The following ELF1 variants were observed in gnomAD, a reference collection of about 807,000 sequenced individuals.
ELF1 encodes the protein ETS-related transcription factor Elf-1.
A neutral mutation model predicts 59.9 loss-of-function variants in ELF1; 24 were observed. The ratio of observed to expected loss-of-function variants is 0.40; its 90% CI spans 0.29 to 0.56. The LOEUF is 0.56. Ranked by LOEUF, ELF1 falls within the 20% of genes least tolerant of loss-of-function variation. ELF1 has a pLI of 0.44. For missense variants in ELF1, 627 were observed against 742.2 expected, an observed-to-expected ratio of 0.84 and a Z score of 1.80; for synonymous variants, 248 against 266.2, an observed-to-expected ratio of 0.93 and a Z score of 0.67.
At chr13:41,014,412 T>C (rs1875241895) in intron 1 of ELF1, among the ~76,000 whole-genome samples, 1 of 152,168 alleles carries the variant, frequency 6.6e-6, no homozygotes, top group Non-Finnish European at 1.5e-5. Context: ...CTCAGCTGCA[T>C]AATTTCTCCC....
At chr13:40,943,726 G>A (rs1304560245) in intron 6 of ELF1, 116 bp downstream of exon 6, 1 of 738,128 alleles carries the variant, frequency 1.4e-6, no homozygotes, top group East Asian at 3.1e-5. Flanking sequence ...TAAGCATGTG[G>A]CAGCAATAAG....
intron 2 of ELF1, among the ~76,000 whole-genome samples, chr13:40,975,858 GA>G (rs1021957490): frequency 6.0e-5 from 9 of 151,244 alleles, no homozygotes; most frequent in Admixed American, 4.6e-4. Context: ...ATTTTAAAAA[GA>G]AAAAAAATCT....
At position 41,026,571 on chromosome 13, in the gene ELF1, G is replaced by A. The variant is rs769097089; in HGVS notation, c.-229+34267C>T. ...TATAGGTAAATCACAGCACAGGCCT[G>A]TAGGATTTTGGAGCAAGACCTTGCC... is the stretch of plus-strand genomic sequence containing the variant. On this transcript the variant is annotated intron_variant, in intron 1 of 1. Coordinates refer to the ELF1 transcript ENST00000405737. 1.5e-3 allele frequency among the ~76,000 whole-genome samples: 236 copies of A among 152,304 alleles called. 2 individuals are homozygous for A. The Middle Eastern group carries it at 0.031, about 20-fold the overall frequency.
intron 1 of ELF1, among the ~76,000 whole-genome samples, chr13:41,058,710 T>A (rs1167322277): frequency 6.6e-6 from 1 of 152,232 alleles, no homozygotes; most frequent in Non-Finnish European, 1.5e-5. Context: ...TGGTGGCTCA[T>A]GCCTGTAATC....
At chr13:41,022,675 G>C (rs1304984417), upstream of ELF1, among the ~76,000 whole-genome samples, 1 of 152,228 alleles carries the variant, frequency 6.6e-6, no homozygotes, top group Non-Finnish European at 1.5e-5. Context: ...AAGTTCAGGA[G>C]TTCGAGACCA....
intron 4 of ELF1, among the ~76,000 whole-genome samples, chr13:40,950,610 C>CGTAT (rs1779739759): frequency 6.6e-6 from 1 of 152,178 alleles, no homozygotes; most frequent in African/African-American, 2.4e-5. Flanking sequence ...GGTCAGAATA[C>CGTAT]TCCTTCAATG....
intron 2 of ELF1, among the ~76,000 whole-genome samples, chr13:40,973,817 A>G (rs548569464): frequency 6.6e-6 from 1 of 152,326 alleles, no homozygotes; most frequent in Non-Finnish European, 1.5e-5. Context: ...CATATGATAC[A>G]ATATTATTCA....
chr13:41,033,935 G>T (rs1876271691), intron 1 of ELF1, among the ~76,000 whole-genome samples: 1 of 152,184 alleles, frequency 6.6e-6, no homozygotes, highest in South Asian at 2.1e-4. Flanking sequence ...AGAGCATGAG[G>T]ATTTGGGGAA....
At chr13:41,029,864 G>T (rs1048821979) in intron 1 of ELF1, among the ~76,000 whole-genome samples, 1 of 152,116 alleles carries the variant, frequency 6.6e-6, no homozygotes, top group Non-Finnish European at 1.5e-5. Context: ...CAGGAAAGAT[G>T]ACAAATGGCA....
At chr13:40,996,801 G>A (rs917395878) in intron 1 of ELF1, among the ~76,000 whole-genome samples, 4 of 150,396 alleles carry the variant, frequency 2.7e-5, no homozygotes, top group African/African-American at 9.8e-5. Context: ...TTAAACTATA[G>A]CTCCAACACA....
intron 2 of ELF1, among the ~76,000 whole-genome samples, chr13:40,968,711 T>C (rs1054060524): frequency 3.3e-5 from 5 of 151,842 alleles, no homozygotes; most frequent in Non-Finnish European, 5.9e-5. Flanking sequence ...CTGTAAACAC[T>C]TTCTATATTC....
intron 1 of ELF1, among the ~76,000 whole-genome samples, chr13:41,044,370 G>A (rs951531727): frequency 6.6e-6 from 1 of 152,302 alleles, no homozygotes; most frequent in East Asian, 1.9e-4. Context: ...TCCCTGTCTT[G>A]TGCCAGTTTT....
At chr13:41,057,102 C>T (rs1877312490) in intron 1 of ELF1, among the ~76,000 whole-genome samples, 1 of 150,020 alleles carries the variant, frequency 6.7e-6, no homozygotes, top group South Asian at 2.1e-4. Flanking sequence ...CCTTCTACTT[C>T]TTTAAATACC....
At chr13:41,008,411 AG>A (rs1238990024) in intron 1 of ELF1, among the ~76,000 whole-genome samples, 10 of 152,352 alleles carry the variant, frequency 6.6e-5, no homozygotes, top group Non-Finnish European at 1.2e-4. Flanking sequence ...ACTGAAAATC[AG>A]AATTTTGGAA....
chr13:41,002,584 TAAAA>T (rs749504259), intron 1 of ELF1, among the ~76,000 whole-genome samples: 2 of 117,068 alleles, frequency 1.7e-5, no homozygotes, highest in African/African-American at 6.3e-5. Flanking sequence ...GACCTTACCT[TAAAA>T]AAAAAAAAAA....
intron 1 of ELF1, among the ~76,000 whole-genome samples, chr13:41,043,338 G>C (rs946634539): frequency 1.3e-5 from 2 of 152,158 alleles, no homozygotes; most frequent in African/African-American, 2.4e-5. Context: ...TTTGGCTTTT[G>C]TTGCCATTGC....
chr13:40,991,233 T>C (rs1873837457), intron 1 of ELF1, among the ~76,000 whole-genome samples: 3 of 152,202 alleles, frequency 2.0e-5, no homozygotes, highest in African/African-American at 7.2e-5. Context: ...GGTGGGATCC[T>C]GGGACAGGAA....
chr13:41,022,539 C>T (rs1474162940), upstream of ELF1, among the ~76,000 whole-genome samples: 1 of 152,084 alleles, frequency 6.6e-6, no homozygotes, highest in Admixed American at 6.6e-5. Flanking sequence ...CTAAATAGGG[C>T]AAATTGTACT....
At chr13:40,994,373 T>A (rs915074420) in intron 1 of ELF1, among the ~76,000 whole-genome samples, 1 of 152,218 alleles carries the variant, frequency 6.6e-6, no homozygotes, top group African/African-American at 2.4e-5. Context: ...CCAGGTGCAG[T>A]GGCTCATGCC....
Sources: gnomAD v4.1 joint callset for allele counts (sites outside exome capture counted in the v4.1 genomes callset) on GRCh38, gnomAD v4.1.1 for gene constraint, MANE v1.5 for transcripts, NCBI Gene and HGNC (gene_info 2026-07-23, HGNC 2026-07-21) for gene names.